Variants in RANBP9 observed in about 807,000 individuals in gnomAD.
RANBP9 encodes the protein ran-binding protein 9.
RANBP9 carries 15 observed loss-of-function variants against 84.3 expected under a neutral mutation model. The ratio of observed to expected loss-of-function variants is 0.18; its 90% CI spans 0.12 to 0.27. The LOEUF is 0.27. Among genes scored for constraint, RANBP9 ranks in the 10% least tolerant of loss-of-function variants. The pLI is 1.00. For synonymous variants in RANBP9, 392 were observed against 349.6 expected, an observed-to-expected ratio of 1.12 and a Z score of -1.35; for missense variants, 809 against 912.8, an observed-to-expected ratio of 0.89 and a Z score of 1.46.
At chr6:13,624,386 T>C (rs1764542107) in intron 13 of RANBP9, among the ~76,000 whole-genome samples, 1 of 152,182 alleles carries the variant, frequency 6.6e-6, no homozygotes, top group Admixed American at 6.5e-5. Flanking sequence ...CTTCCTAAAC[T>C]AGTTTGAAAT....
intron 2 of RANBP9, among the ~76,000 whole-genome samples, chr6:13,676,353 T>C (rs1765885867): frequency 6.6e-6 from 1 of 152,046 alleles, no homozygotes; most frequent in African/African-American, 2.4e-5. Context: ...CCCAGATGGC[T>C]TCAGGGTAAT....
chr6:13,684,259 T>C (rs1040125744), intron 2 of RANBP9, among the ~76,000 whole-genome samples: 4 of 152,192 alleles, frequency 2.6e-5, no homozygotes, highest in African/African-American at 9.7e-5. Flanking sequence ...TTGTCTTTCA[T>C]TGTTATGCCC....
chr6:13,682,858 G>T (rs1766077183), intron 2 of RANBP9, among the ~76,000 whole-genome samples: 2 of 152,210 alleles, frequency 1.3e-5, no homozygotes, highest in South Asian at 4.1e-4. Context: ...TGGAAACTCT[G>T]CAACTCATGA....
intron 2 of RANBP9, among the ~76,000 whole-genome samples, chr6:13,688,021 G>A (rs1379297213): frequency 6.6e-6 from 1 of 152,172 alleles, no homozygotes; most frequent in East Asian, 1.9e-4. Context: ...AGTTTGCTGT[G>A]CACCAGGCAT....
At chr6:13,686,067 CT>C (rs913061535) in intron 2 of RANBP9, among the ~76,000 whole-genome samples, 98 of 134,864 alleles carry the variant, frequency 7.3e-4, no homozygotes, top group African/African-American at 2.4e-3. Context: ...TTTTTCTGTA[CT>C]TTTTTTTCTT....
At chr6:13,688,460 G>C (rs1766242583) in intron 2 of RANBP9, among the ~76,000 whole-genome samples, 1 of 151,994 alleles carries the variant, frequency 6.6e-6, no homozygotes, top group Non-Finnish European at 1.5e-5. Flanking sequence ...TCTCTAATTT[G>C]TTTATATGTC....
rs768017540 is a variant in RANBP9, at chr6:13,644,706, C to G, written c.951G>C (p.Gly317=). The G allele has an allele frequency of 6.2e-7, 1 of 1,609,926 alleles. No homozygotes were observed. Among genetic ancestry groups the G allele is most frequent in the African/African-American group, 1.3e-5 (1 of 74,924 alleles). ...CGACCACTTCTCCTGGTGTTTGAAG[C>G]CCCACAGTAGGATACAAATTTGGCT... ...DLPPNLYPTV[G]LQTPGEVVDA... is the part of the protein sequence containing the mutation. Residue 317 remains glycine, a synonymous_variant, in exon 6 of 14, where the codon GGG becomes GGC. Transcript: ENST00000011619.
intron 5 of RANBP9, among the ~76,000 whole-genome samples, chr6:13,649,794 C>G (rs1043680080): frequency 6.6e-6 from 1 of 152,172 alleles, no homozygotes; most frequent in Non-Finnish European, 1.5e-5. Flanking sequence ...GAGTTATCCA[C>G]TGCCTATAAC....
chr6:13,660,213 A>G, intron 2 of RANBP9, among the ~76,000 whole-genome samples: 1 of 152,194 alleles, frequency 6.6e-6, no homozygotes, highest in Middle Eastern at 3.2e-3. Context: ...AGAGCATAAA[A>G]ATGGCAATCT....
chr6:13,624,181 A>G (rs1764535459), intron 13 of RANBP9, among the ~76,000 whole-genome samples: 1 of 152,176 alleles, frequency 6.6e-6, no homozygotes, highest in African/African-American at 2.4e-5. Flanking sequence ...TGAGGACACT[A>G]CTCCTATTCC....
intron 12 of RANBP9, among the ~76,000 whole-genome samples, chr6:13,630,269 G>GACATCTATACTCTTTAAATAAAGATGAT (rs1764740582): frequency 6.6e-6 from 1 of 152,076 alleles, no homozygotes; most frequent in Non-Finnish European, 1.5e-5. Context: ...CAAAATCAAA[G>GACATCTATACTCTTTAAATAAAGATGAT]ACATCTATAC....
intron 1 of RANBP9, among the ~76,000 whole-genome samples, chr6:13,701,799 C>T (rs1048742800): frequency 2.0e-5 from 3 of 151,550 alleles, no homozygotes; most frequent in East Asian, 1.9e-4. Context: ...AAACAAAAAA[C>T]GAGAGGCCAT....
intron 2 of RANBP9, among the ~76,000 whole-genome samples, chr6:13,696,172 G>T (rs1766439354): frequency 2.0e-5 from 3 of 151,956 alleles, no homozygotes; most frequent in Admixed American, 6.6e-5. Flanking sequence ...GGAACTTTTG[G>T]GGTAAGGCCC....
chr6:13,697,575 G>C (rs1584948168), intron 1 of RANBP9, among the ~76,000 whole-genome samples: 1 of 152,072 alleles, frequency 6.6e-6, no homozygotes, highest in Non-Finnish European at 1.5e-5. Flanking sequence ...TTAGATAATG[G>C]CTTTCAAACT....
At chr6:13,708,870 G>A (rs911391539) in intron 1 of RANBP9, among the ~76,000 whole-genome samples, 4 of 151,696 alleles carry the variant, frequency 2.6e-5, no homozygotes, top group African/African-American at 9.7e-5. Flanking sequence ...AAGACAAGAG[G>A]AAGAGGCAGT....
At chr6:13,669,549 T>C (rs1765726386) in intron 2 of RANBP9, among the ~76,000 whole-genome samples, 1 of 152,214 alleles carries the variant, frequency 6.6e-6, no homozygotes, top group South Asian at 2.1e-4. Context: ...TGCCATAGAA[T>C]TGAGATTTCA....
At chr6:13,648,337 G>A (rs939504839) in intron 5 of RANBP9, among the ~76,000 whole-genome samples, 22 of 151,746 alleles carry the variant, frequency 1.4e-4, no homozygotes, top group African/African-American at 3.1e-4. Context: ...TAGTAGAGAC[G>A]GGGTTTCACC....
At chr6:13,695,081 A>G (rs1282661561) in intron 2 of RANBP9, among the ~76,000 whole-genome samples, 1 of 152,244 alleles carries the variant, frequency 6.6e-6, no homozygotes, top group Non-Finnish European at 1.5e-5. Context: ...GGCTACAAAG[A>G]GACTGAAAAA....
intron 1 of RANBP9, 45 bp downstream of exon 1, chr6:13,710,890 G>A (rs370188749): frequency 1.3e-4 from 203 of 1,540,618 alleles, no homozygotes; most frequent in Non-Finnish European, 1.5e-4. Context: ...GGCCGGCCAC[G>A]TCGGGTCAGT....
Sources: gnomAD v4.1 joint callset for allele counts (sites outside exome capture counted in the v4.1 genomes callset) on GRCh38, gnomAD v4.1.1 for gene constraint, MANE v1.5 for transcripts, NCBI Gene and HGNC (gene_info 2026-07-23, HGNC 2026-07-21) for gene names.